The following FAM83G variants were observed in gnomAD, a reference collection of about 807,000 sequenced individuals.
FAM83G encodes scaffolding CK1 anchoring protein G.
In FAM83G, 38 loss-of-function variants were observed where a neutral mutation model predicts 61.5. That is an observed-to-expected ratio of 0.62 (90% CI 0.48 to 0.81). FAM83G has a LOEUF of 0.81. Among genes scored for constraint, FAM83G ranks in the 30% least tolerant of loss-of-function variants. The probability of loss-of-function intolerance (pLI) is 0.00; values close to 1 mark genes in which losing one functional copy is unlikely to be tolerated. For missense variants in FAM83G, 989 were observed against 1,133.6 expected (o/e 0.87, Z 1.83); for synonymous variants, 470 against 476.1 (o/e 0.99, Z 0.17).
At chr17:18,978,916 A>C in intron 4 of FAM83G, 66 bp from the exon 5 acceptor site, 2 of 1,564,130 alleles carry the variant, frequency 1.3e-6, no homozygotes, top group Non-Finnish European at 8.7e-7. Flanking sequence ...GCCCCCGTGC[A>C]CCCATAGCCG....
chr17:18,972,936 T>C (rs371763148), intron 5 of FAM83G, among the ~76,000 whole-genome samples: 3 of 151,570 alleles, frequency 2.0e-5, no homozygotes, highest in African/African-American at 7.3e-5. Flanking sequence ...TGGGCCTCAG[T>C]TTCCCCATCT....
chr17:18,976,506 G>A (rs1338831192), intron 5 of FAM83G: 3 of 265,084 alleles, frequency 1.1e-5, no homozygotes, highest in Non-Finnish European at 2.2e-5. Context: ...CAGGAGATGA[G>A]GGTAGGGGTG....
intron 2 of FAM83G, among the ~76,000 whole-genome samples, chr17:19,002,930 C>A (rs1022098304): frequency 2.0e-5 from 3 of 152,166 alleles, no homozygotes; most frequent in Admixed American, 6.5e-5. Flanking sequence ...CCACACCTCC[C>A]TCACCCAAGC....
At position 18,978,763 on chromosome 17, in the gene FAM83G, C is replaced by T; in HGVS notation, c.903G>A (p.Gln301=). 6.2e-7 allele frequency: 1 copy of T among 1,612,984 alleles called. No individual in the cohort carries two copies. Among genetic ancestry groups the T allele is most frequent in the Non-Finnish European group, 8.5e-7 (1 of 1,180,012 alleles). ...CACTGTGTGACATGAGGTACAGCTCCTGGAACTGCCGGTCAAACATCTCCA... is the reference window on the plus strand; with the variant it reads ...CACTGTGTGACATGAGGTACAGCTCTTGGAACTGCCGGTCAAACATCTCCA... ...QVVEMFDRQF[Q]ELYLMSHSVS... Residue 301 remains glutamine (Q), a synonymous_variant, in exon 5 of 6, where the codon CAG becomes CAA. Coordinates refer to ENST00000388995, the MANE Select transcript of FAM83G (RefSeq NM_001039999.3).
In FAM83G at chr17:18,974,416, C is replaced by T. The variant is rs146581646; in HGVS notation, c.2083-2668G>A. 3.0e-3 allele frequency among the ~76,000 whole-genome samples: 454 copies of T among 152,380 alleles called. 1 individual carries two copies. The highest frequency in any genetic ancestry group is 4.6e-3 in the Non-Finnish European group (314 of 68,042). On this transcript the variant is annotated intron_variant, in intron 5 of 5. Coordinates refer to ENST00000388995, the MANE Select transcript of FAM83G (RefSeq NM_001039999.3). ...AGGGTCCAGTGGACAGAGCCCTGGT[C>T]TGGGCTCCCGTCTGGGCTATGCCCC...
intron 5 of FAM83G, among the ~76,000 whole-genome samples, chr17:18,975,386 A>C (rs1381634839): frequency 6.6e-6 from 1 of 152,230 alleles, no homozygotes; most frequent in African/African-American, 2.4e-5. Context: ...AAGCTTGGAA[A>C]GTAAGTTAAA....
Position 18,988,363 on chromosome 17 carries a change from G to A in FAM83G, c.574C>T (p.Leu192=). 6.2e-7 allele frequency: 1 copy of A among 1,614,232 alleles called. No homozygotes were observed. The highest frequency in any genetic ancestry group is 8.5e-7 in the Non-Finnish European group (1 of 1,180,050). ...TTCCTCTTGAAGCCGGCGTCCAGCA[G>A]GTCCTTGAAGATGTCCACGTCGGTG... ...MFTDVDIFKD[L]LDAGFKRKVA... The change falls in exon 3 of 6, where the codon CTG becomes TTG. Residue 192 remains leucine, a synonymous_variant. Transcript: ENST00000388995.
Position 19,003,405 on chromosome 17 carries a change from A to G in FAM83G, c.522+115T>C, listed in dbSNP as rs981351066. On this transcript the variant is annotated intron_variant, in intron 2 of 5. Transcript: ENST00000388995. The surrounding 1 kb of genome is among the most constrained non-coding windows in gnomAD (Gnocchi z 4.5). Reference sequence around the variant, plus strand: ...CCAAGAGGCAGCCAGGGAAAACAGCAGAGATCCCTAGAAGCCCATGTTGGG... The same window carrying G: ...CCAAGAGGCAGCCAGGGAAAACAGCGGAGATCCCTAGAAGCCCATGTTGGG... 1 of 1,132,302 alleles carries G rather than the reference A, an allele frequency of 8.8e-7. No individual in the cohort carries two copies. The highest frequency in any genetic ancestry group is 1.2e-6 in the Non-Finnish European group (1 of 850,920). The allele number at this position is 1,132,302 out of a possible 1,614,324, so 70.1% of individuals were successfully genotyped here.
Position 19,004,189 on chromosome 17 carries a change from A to G in FAM83G, c.-128-20T>C. Reference sequence around the variant, plus strand: ...AGCAATCTGCGGGAAAGACCTGATGAGCCCGGCTCGGCGGGGAGGGCGGGC... The same window carrying G: ...AGCAATCTGCGGGAAAGACCTGATGGGCCCGGCTCGGCGGGGAGGGCGGGC... On this transcript the variant is annotated intron_variant, in intron 1 of 5. Transcript: ENST00000388995. The surrounding 1 kb of genome is among the most constrained non-coding windows in gnomAD (Gnocchi z 5.4). 2.4e-5 allele frequency: 9 copies of G among 381,818 alleles called. No homozygotes were observed. The highest frequency in any genetic ancestry group is 1.2e-4 in the East Asian group (1 of 8,604). 23.7% of individuals were successfully genotyped at this position (381,818 alleles called of 1,614,324 possible).
At chr17:19,002,499 G>T (rs1017647159) in intron 2 of FAM83G, among the ~76,000 whole-genome samples, 1 of 152,240 alleles carries the variant, frequency 6.6e-6, no homozygotes, top group South Asian at 2.1e-4. Context: ...GCAATTGGCT[G>T]CCCTGCTCTG....
intron 5 of FAM83G, among the ~76,000 whole-genome samples, chr17:18,972,492 C>T (rs552192769): frequency 1.3e-5 from 2 of 152,266 alleles, no homozygotes; most frequent in East Asian, 1.9e-4. Context: ...CCGTGGTTCC[C>T]GACTCTGCTC....
intron 2 of FAM83G, among the ~76,000 whole-genome samples, chr17:18,988,748 C>T (rs1252371896): frequency 2.6e-5 from 4 of 152,360 alleles, no homozygotes; most frequent in East Asian, 1.9e-4. Context: ...CAGCAGCTGG[C>T]GTGGCGGCTC....
intron 2 of FAM83G, among the ~76,000 whole-genome samples, chr17:18,998,888 C>T (rs1231990207): frequency 6.6e-6 from 1 of 152,208 alleles, no homozygotes; most frequent in Admixed American, 6.5e-5. Context: ...TGGCCTTCCT[C>T]CTGGTCCCCA....
At chr17:18,994,902 G>A (rs2043524803) in intron 2 of FAM83G, among the ~76,000 whole-genome samples, 1 of 152,214 alleles carries the variant, frequency 6.6e-6, no homozygotes, top group Admixed American at 6.5e-5. Flanking sequence ...CTGGCAAGAG[G>A]CTTCCTTTGG....
chr17:18,969,544 G>A lies in FAM83G; in HGVS notation c.*1815C>T. 1.1e-6 allele frequency: 1 copy of A among 945,170 alleles called. No homozygotes were observed. The highest frequency in any genetic ancestry group is 1.6e-5 in the South Asian group (1 of 60,650). The allele number at this position is 945,170 out of a possible 1,614,324, so 58.5% of individuals were successfully genotyped here. ...GGTTCTGGGTAGCATCGCTGGGAGT[G>A]GGTGGGTTCAGGAGGTTGAGCCACT... On this transcript the variant is annotated 3_prime_UTR_variant, in exon 6 of 6. Coordinates refer to ENST00000388995, the MANE Select transcript of FAM83G (RefSeq NM_001039999.3).
intron 3 of FAM83G, among the ~76,000 whole-genome samples, chr17:18,980,446 C>A (rs1348646511): frequency 6.6e-6 from 1 of 152,172 alleles, no homozygotes; most frequent in Non-Finnish European, 1.5e-5. Context: ...GCATGAGGAG[C>A]ACAGCGGGCC....
At chr17:18,983,119 T>C (rs2043179977) in intron 3 of FAM83G, among the ~76,000 whole-genome samples, 1 of 152,026 alleles carries the variant, frequency 6.6e-6, no homozygotes, top group South Asian at 2.1e-4. Context: ...ACTGGGTGGG[T>C]GGTTGGTGGG....
chr17:18,989,394 T>C (rs985196914), intron 2 of FAM83G, among the ~76,000 whole-genome samples: 3 of 152,176 alleles, frequency 2.0e-5, no homozygotes, highest in Admixed American at 2.0e-4. Context: ...CGCCCCAAAG[T>C]GAGCTCACCA....
In FAM83G at chr17:18,968,891, C is replaced by T. The variant is rs1286399247; in HGVS notation, c.*2468G>A. ...CCACGGCCAGGTCTTCCCCCAACCTCACAATGGCCCCGTGATGCAGGCAGG... is the reference window on the plus strand; with the variant it reads ...CCACGGCCAGGTCTTCCCCCAACCTTACAATGGCCCCGTGATGCAGGCAGG... On this transcript the variant is annotated 3_prime_UTR_variant, in exon 6 of 6. Coordinates refer to ENST00000388995, the MANE Select transcript of FAM83G (RefSeq NM_001039999.3). This position sits in a 1 kb window ranked among gnomAD's most constrained non-coding sequence, Gnocchi z 4.1. 6 of 630,780 alleles carry T rather than the reference C, an allele frequency of 9.5e-6. No individual in the cohort carries two copies. Among genetic ancestry groups the T allele is most frequent in the East Asian group, 2.8e-5 (1 of 35,796 alleles). 39.1% of individuals were successfully genotyped at this position (630,780 alleles called of 1,614,324 possible). A position where few individuals can be genotyped will look rare whatever the true frequency, so the allele number is the denominator to read the frequency against.
Sources: gnomAD v4.1 joint callset for allele counts (sites outside exome capture counted in the v4.1 genomes callset) on GRCh38, gnomAD v4.1.1 for gene constraint, Gnocchi (gnomAD v3.1) non-coding constraint, MANE v1.5 for transcripts, NCBI Gene and HGNC (gene_info 2026-07-23, HGNC 2026-07-21) for gene names.